The following DMBT1 variants were observed in gnomAD, a reference collection of about 807,000 sequenced individuals.
DMBT1 encodes deleted in malignant brain tumors 1, also known as scavenger receptor cysteine-rich domain-containing protein DMBT1.
Under a neutral mutation model 252.9 loss-of-function variants are expected in DMBT1, and 198 were observed. The ratio of observed to expected loss-of-function variants is 0.78; its 90% CI spans 0.70 to 0.88. The LOEUF (loss-of-function observed/expected upper bound fraction) is 0.88. Among genes scored for constraint, DMBT1 ranks in the 40% least tolerant of loss-of-function variants. DMBT1 has a pLI of 0.00. For missense variants in DMBT1, 2,432 were observed against 2,404.7 expected (o/e 1.01, Z -0.24); for synonymous variants, 990 against 942.7 (o/e 1.05, Z -0.92).
rs1420801881 is a variant in DMBT1 at position 122,592,251 on chromosome 10, G to T, written c.2177-21G>T. 9 of 1,584,664 alleles carry T rather than the reference G, an allele frequency of 5.7e-6. No individual in the cohort carries two copies. In the South Asian group the frequency reaches 5.8e-5, roughly 10 times the overall value. ...TACCTCATGGTAGGGATGGATAAAG[G>T]GTTCTTGTGTTCCCCTGTAGGATCT... On this transcript the variant is annotated intron_variant, in intron 19 of 55. Coordinates refer to ENST00000338354, the MANE Select transcript of DMBT1 (RefSeq NM_001377530.1).
chr10:122,575,331 A>G (rs2097702943), intron 6 of DMBT1, among the ~76,000 whole-genome samples: 2 of 152,192 alleles, frequency 1.3e-5, no homozygotes, highest in South Asian at 2.1e-4. Context: ...ATGTTGGTAC[A>G]GAAATATTTC....
At chr10:122,597,861 A>G in intron 24 of DMBT1, 113 bp from the exon 25 acceptor site, 1 of 1,516,442 alleles carries the variant, frequency 6.6e-7, no homozygotes, top group South Asian at 1.1e-5. Flanking sequence ...AGCAAGTGGC[A>G]GGAACCAGAA....
At chr10:122,589,681 T>A (rs985827619) in intron 17 of DMBT1, among the ~76,000 whole-genome samples, 2 of 148,400 alleles carry the variant, frequency 1.3e-5, no homozygotes, top group African/African-American at 2.4e-5. Flanking sequence ...TCAGGCTGCT[T>A]GTGCTCCTGG....
At chr10:122,597,853 C>T (rs2097897826) in intron 24 of DMBT1, 121 bp from the exon 25 acceptor site, 1 of 1,449,164 alleles carries the variant, frequency 6.9e-7, no homozygotes, top group Middle Eastern at 1.8e-4. Flanking sequence ...ACATGGGGAG[C>T]AAGTGGCAGG....
chr10:122,561,510 A>G (rs1357462510), intron 1 of DMBT1, among the ~76,000 whole-genome samples: 1 of 152,148 alleles, frequency 6.6e-6, no homozygotes, highest in Non-Finnish European at 1.5e-5. Context: ...TTGCAGAGAT[A>G]CTAGAGGAAC....
chr10:122,627,381 TG>T (rs1385219085), intron 46 of DMBT1, among the ~76,000 whole-genome samples: 2 of 152,182 alleles, frequency 1.3e-5, no homozygotes, highest in Non-Finnish European at 2.9e-5. Context: ...CAGTATGGCA[TG>T]CTTTATATCC....
chr10:122,598,136 T>C (rs1473096340), intron 25 of DMBT1, 124 bp downstream of exon 25: 1 of 1,440,308 alleles, frequency 6.9e-7, no homozygotes, highest in Admixed American at 1.8e-5. Context: ...GTGGGTTGCA[T>C]GGGAGGAAGG....
rs537012720 is a variant in DMBT1, at chr10:122,587,511, TAGA to T, written c.1783+1132_1783+1134del. On this transcript the variant is annotated intron_variant, in intron 16 of 55. Transcript: ENST00000338354. ...TGTTATGAATGCCTGTGGGCTGGGC[TAGA>T]AGATCACAGGCTGGATATTTTTTTT... Among the ~76,000 whole-genome samples, 207 of 148,582 alleles carry T rather than the reference TAGA, an allele frequency of 1.4e-3. 9 individuals carry two copies. The highest frequency in any genetic ancestry group is 4.5e-3 in the African/African-American group (186 of 41,156).
chr10:122,572,230 T>C, intron 4 of DMBT1, 84 bp from the exon 5 acceptor site: 1 of 1,573,472 alleles, frequency 6.4e-7, no homozygotes, highest in Non-Finnish European at 8.7e-7. Context: ...TTCCAGCCCT[T>C]GCTTCAGACC....
chr10:122,628,611 G>A (rs1455560076), intron 46 of DMBT1, among the ~76,000 whole-genome samples: 2 of 152,116 alleles, frequency 1.3e-5, no homozygotes, highest in African/African-American at 4.8e-5. Flanking sequence ...ACTCCAGCCT[G>A]GGTGACAAGA....
intron 54 of DMBT1, among the ~76,000 whole-genome samples, chr10:122,639,654 G>T (rs1264678961): frequency 6.6e-6 from 1 of 152,162 alleles, no homozygotes; most frequent in African/African-American, 2.4e-5. Context: ...TGCAGGCTTG[G>T]GCTCAGAGGC....
chr10:122,586,141 C>A lies in DMBT1; in HGVS notation c.1541C>A (p.Ser514Tyr). 6.3e-7 allele frequency: 1 copy of A among 1,589,120 alleles called. No homozygotes were observed. Among genetic ancestry groups the A allele is most frequent in the Non-Finnish European group, 8.6e-7 (1 of 1,166,096 alleles). Residue 514 changes from serine to tyrosine, a missense_variant, in exon 16 of 56, where the codon TCC becomes TAC. Physicochemically the swap from Ser to Tyr is moderately radical, Grantham distance 144. Transcript: ENST00000338354. ...CGAGTGGAGGTCCTATACCGAGGCT[C>A]CTGGGGCACCGTGTGTGATGACAGC... is the stretch of plus-strand genomic sequence containing the variant. ...QGRVEVLYRG[S>Y]WGTVCDDSWD...
chr10:122,570,117 A>G lies in DMBT1; in HGVS notation c.92-45A>G, dbSNP rs773146034. The G allele has an allele frequency of 5.9e-6, 9 of 1,537,516 alleles. No individual in the cohort carries two copies. In the Admixed American group the frequency reaches 8.4e-5, roughly 14 times the overall value. On this transcript the variant is annotated intron_variant, in intron 2 of 55. Coordinates refer to ENST00000338354, the MANE Select transcript of DMBT1 (RefSeq NM_001377530.1). ...AGGAAGCCAGGGACCAGCCCTCCCCAAGCAAGGGCTACCATCAATGAGCTC... is the reference window on the plus strand; with the variant it reads ...AGGAAGCCAGGGACCAGCCCTCCCCGAGCAAGGGCTACCATCAATGAGCTC...
chr10:122,575,612 A>G (rs1304862658), intron 6 of DMBT1, among the ~76,000 whole-genome samples: 1 of 152,196 alleles, frequency 6.6e-6, no homozygotes, highest in Non-Finnish European at 1.5e-5. Flanking sequence ...CTGTTGTGAC[A>G]GGTAATGAGT....
intron 46 of DMBT1, among the ~76,000 whole-genome samples, chr10:122,628,363 C>T (rs185499629): frequency 5.9e-5 from 9 of 152,226 alleles, no homozygotes; most frequent in South Asian, 2.1e-4. Flanking sequence ...TGGCCGGGCG[C>T]GGTGGCTCAT....
intron 7 of DMBT1, 122 bp downstream of exon 7, chr10:122,576,844 A>G (rs777343992): frequency 2.0e-5 from 24 of 1,193,806 alleles, no homozygotes; most frequent in Non-Finnish European, 2.6e-5. Flanking sequence ...TCTAGGCAAG[A>G]TGGCAAACCC....
At chr10:122,566,099 C>T (rs1263504293) in intron 2 of DMBT1, 103 bp downstream of exon 2, 11 of 1,288,068 alleles carry the variant, frequency 8.5e-6, no homozygotes, top group Admixed American at 1.8e-5. Flanking sequence ...ACAGAGCAAA[C>T]GCCTGCCTTG....
chr10:122,625,148 T>G, intron 44 of DMBT1, 129 bp from the exon 45 acceptor site: 1 of 842,772 alleles, frequency 1.2e-6, no homozygotes, highest in East Asian at 2.6e-5. Flanking sequence ...TTATATCTAC[T>G]ATTCCACTCT....
rs996631469 is a variant in DMBT1, at chr10:122,592,350, G to T, written c.2255G>T (p.Gly752Val). The change falls in exon 20 of 56, where the codon GGC becomes GTC. Residue 752 changes from glycine to valine, a missense_variant. By Grantham distance (109) the Gly-to-Val change is moderately radical. This residue lies in a region of DMBT1 where 1,264 missense variants were observed against 1,082.2 expected (regional missense o/e 1.17). Coordinates refer to ENST00000338354, the MANE Select transcript of DMBT1 (RefSeq NM_001377530.1). ...GGCCGAGTAGAGGTCCTATACCGAG[G>T]CTCCTGGGGCACCGTGTGTGATGAC... ...CQGRVEVLYR[G>V]SWGTVCDDSW... 6.3e-6 allele frequency: 10 copies of T among 1,588,146 alleles called. 2 individuals carry two copies. The highest frequency in any genetic ancestry group is 7.7e-6 in the Non-Finnish European group (9 of 1,165,798).
Sources: allele counts gnomAD v4.1 joint callset (sites outside exome capture counted in the v4.1 genomes callset), GRCh38; gene constraint gnomAD v4.1.1; regional missense constraint gnomAD v4.1.1; transcripts MANE v1.5; gene names NCBI Gene and HGNC (gene_info 2026-07-23, HGNC 2026-07-21).